PSTPIP2: variants seen among roughly 807,000 people sequenced by gnomAD.
PSTPIP2 encodes proline-serine-threonine phosphatase-interacting protein 2.
A neutral mutation model predicts 63.3 loss-of-function variants in PSTPIP2; 33 were observed. The observed-to-expected ratio is 0.52, with a 90% CI of 0.40 to 0.70. The LOEUF (loss-of-function observed/expected upper bound fraction) is 0.70. PSTPIP2 is among the 30% of genes least tolerant of loss of function. The pLI, the probability that PSTPIP2 is intolerant of heterozygous loss-of-function variation, is 0.00. For synonymous variants in PSTPIP2, 125 were observed against 132.7 expected (o/e 0.94, Z 0.40); for missense variants, 312 against 400.7 (o/e 0.78, Z 1.89).
intron 2 of PSTPIP2, 125 bp from the exon 3 acceptor site, chr18:46,024,811 C>T (rs547885538): frequency 1.8e-5 from 13 of 705,144 alleles, no homozygotes; most frequent in Non-Finnish European, 3.2e-5. Context: ...CAACACCATT[C>T]TCTAAAATGC....
In PSTPIP2 at chr18:46,002,630, C is replaced by T. The variant is rs62095418; in HGVS notation, c.417+2839G>A. On this transcript the variant is annotated intron_variant, in intron 6 of 14. Transcript: ENST00000409746. The stretch of plus-strand genomic sequence containing the variant: ...ATTTCTTTGCTGAGCTTTTCTATTT[C>T]TTTGCCAGTCCTTCCTTTGTTTCTT... Among the ~76,000 whole-genome samples, 437 of 152,176 alleles carry T rather than the reference C, an allele frequency of 2.9e-3. 4 individuals are homozygous for T. Among genetic ancestry groups the T allele is most frequent in the South Asian group, 0.019 (91 of 4,830 alleles).
chr18:46,004,481 T>C (rs2051703667), intron 6 of PSTPIP2, among the ~76,000 whole-genome samples: 1 of 152,198 alleles, frequency 6.6e-6, no homozygotes, highest in Non-Finnish European at 1.5e-5. Flanking sequence ...AAGGAAAAGT[T>C]TTTATAATTT....
chr18:46,024,597 C>A lies in PSTPIP2; in HGVS notation c.212+12G>T, dbSNP rs1183472261. On this transcript the variant is annotated intron_variant, in intron 3 of 14. Transcript: ENST00000409746. Reference sequence around the variant, plus strand: ...AACCAACCTGGAAACCAGAAAAAAACTTGATACATACTTGATTTCAGACTG... The same window carrying A: ...AACCAACCTGGAAACCAGAAAAAAAATTGATACATACTTGATTTCAGACTG... The A allele has an allele frequency of 3.1e-6, 5 of 1,610,936 alleles. No homozygotes were observed. In the Admixed American group the frequency reaches 6.7e-5, roughly 21 times the overall value.
intron 1 of PSTPIP2, among the ~76,000 whole-genome samples, chr18:46,055,262 A>G (rs1358806248): frequency 1.3e-5 from 2 of 152,190 alleles, no homozygotes; most frequent in African/African-American, 4.8e-5. Context: ...TCTCCCTCCA[A>G]TCACCTAATG....
chr18:46,006,997 T>C (rs1463371221), intron 5 of PSTPIP2, among the ~76,000 whole-genome samples: 1 of 152,228 alleles, frequency 6.6e-6, no homozygotes, highest in Non-Finnish European at 1.5e-5. Context: ...GCCCTTTTGT[T>C]TCTCATTATT....
At chr18:46,007,492 A>G (rs565080737) in intron 5 of PSTPIP2, among the ~76,000 whole-genome samples, 13 of 152,368 alleles carry the variant, frequency 8.5e-5, no homozygotes, top group African/African-American at 2.9e-4. Context: ...TGCGGTTCAC[A>G]TGCATGACTG....
intron 1 of PSTPIP2, among the ~76,000 whole-genome samples, chr18:46,061,889 G>C (rs369660776): frequency 6.6e-6 from 1 of 152,196 alleles, no homozygotes. Context: ...TTGAAGCAGT[G>C]AAGGGACTTA....
intron 2 of PSTPIP2, among the ~76,000 whole-genome samples, chr18:46,034,053 C>T (rs893160056): frequency 6.6e-6 from 1 of 152,172 alleles, no homozygotes; most frequent in African/African-American, 2.4e-5. Flanking sequence ...CTGTCATTCC[C>T]ACCCTGGCAA....
intron 1 of PSTPIP2, among the ~76,000 whole-genome samples, chr18:46,071,868 G>A (rs1032197926): frequency 6.6e-6 from 1 of 152,256 alleles, no homozygotes; most frequent in Non-Finnish European, 1.5e-5. Flanking sequence ...GCTGCTGGGG[G>A]CGCGGGCGGC....
At chr18:45,987,225 T>G (rs1361217035) in intron 14 of PSTPIP2, among the ~76,000 whole-genome samples, 1 of 152,236 alleles carries the variant, frequency 6.6e-6, no homozygotes, top group South Asian at 2.1e-4. Flanking sequence ...TAGGTGTTTT[T>G]AGAGGACTGG....
rs554054017 is a variant in PSTPIP2, at chr18:46,051,776, AC to A, written c.34-11730del. On this transcript the variant is annotated intron_variant, in intron 1 of 14. Coordinates refer to ENST00000409746, the MANE Select transcript of PSTPIP2 (RefSeq NM_024430.4). The stretch of plus-strand genomic sequence containing the variant: ...AGGTGTTTTAATTCACAAACATTCA[AC>A]CACCTCTGAGTGTATTACTGAAGTT... Among the ~76,000 whole-genome samples the A allele has an allele frequency of 1.5e-4, 23 of 152,348 alleles. No individual in the cohort carries two copies. The East Asian group carries it at 4.4e-3, about 29-fold the overall frequency.
chr18:46,059,902 A>T (rs1012933193), intron 1 of PSTPIP2, among the ~76,000 whole-genome samples: 4 of 152,160 alleles, frequency 2.6e-5, no homozygotes, highest in African/African-American at 9.6e-5. Flanking sequence ...GTGGTGGCAC[A>T]TGCCTGTAAT....
chr18:46,008,329 G>GT (rs1370706513), intron 5 of PSTPIP2, among the ~76,000 whole-genome samples: 3 of 151,526 alleles, frequency 2.0e-5, no homozygotes, highest in Non-Finnish European at 2.9e-5. Context: ...TTTATTTTTT[G>GT]TTTTTTTGAG....
rs148642682 is a variant in PSTPIP2, at chr18:46,009,755, G to T, written c.354+1426C>A. ...AAATGATTCTCCTCTCCTCTGAGGG[G>T]AAGTCATGCGTGCCTAGACTCTGGT... On this transcript the variant is annotated intron_variant, in intron 5 of 14. Transcript: ENST00000409746. Among the ~76,000 whole-genome samples, 617 of 151,982 alleles carry T rather than the reference G, an allele frequency of 4.1e-3. 3 individuals are homozygous for T. Among genetic ancestry groups the T allele is most frequent in the African/African-American group, 0.015 (599 of 41,250 alleles).
At chr18:46,029,507 A>C in intron 2 of PSTPIP2, 1 of 848,468 alleles carries the variant, frequency 1.2e-6, no homozygotes, top group Admixed American at 1.7e-5. Flanking sequence ...TGCCACATCT[A>C]GGAATGGACA....
chr18:46,003,642 G>C (rs2144073629), intron 6 of PSTPIP2, among the ~76,000 whole-genome samples: 1 of 151,612 alleles, frequency 6.6e-6, no homozygotes, highest in East Asian at 1.9e-4. Context: ...TGCTTCTTTG[G>C]CACTCAGTCT....
At chr18:46,022,781 C>T (rs1179428247) in intron 3 of PSTPIP2, among the ~76,000 whole-genome samples, 1 of 151,962 alleles carries the variant, frequency 6.6e-6, no homozygotes, top group East Asian at 1.9e-4. Flanking sequence ...AAATGAATGA[C>T]TGAAAAATTA....
chr18:46,005,408 C>A, intron 6 of PSTPIP2, 61 bp downstream of exon 6: 8 of 1,345,126 alleles, frequency 5.9e-6, no homozygotes, highest in Non-Finnish European at 8.4e-6. Flanking sequence ...TGTTCATACA[C>A]AGCACAGGAT....
At chr18:46,003,754 G>GTT (rs61114152) in intron 6 of PSTPIP2, among the ~76,000 whole-genome samples, 91 of 130,400 alleles carry the variant, frequency 7.0e-4, no homozygotes, top group African/African-American at 1.5e-3. Flanking sequence ...CCCTTTCAGA[G>GTT]TTTTTTTTTT....
Sources: gnomAD v4.1 joint callset for allele counts (sites outside exome capture counted in the v4.1 genomes callset) on GRCh38, gnomAD v4.1.1 for gene constraint, MANE v1.5 for transcripts, NCBI Gene and HGNC (gene_info 2026-07-23, HGNC 2026-07-21) for gene names.